TLE5: variants seen among roughly 807,000 people sequenced by gnomAD.
The protein encoded by TLE5 is TLE family member 5, transcriptional modulator.
In TLE5, 7 loss-of-function variants were observed where a neutral mutation model predicts 25.8. The ratio of observed to expected loss-of-function variants is 0.27; its 90% CI spans 0.15 to 0.51. TLE5 has a LOEUF of 0.51. Ranked by LOEUF, TLE5 falls within the 20% of genes least tolerant of loss-of-function variation. The probability of loss-of-function intolerance (pLI) is 0.97; values close to 1 mark genes in which losing one functional copy is unlikely to be tolerated. For missense variants in TLE5, 149 were observed against 250.7 expected (o/e 0.59, Z 2.74); for synonymous variants, 132 against 110.5 (o/e 1.20, Z -1.22).
chr19:3,057,234 GC>G (rs2090226659), intron 3 of TLE5, among the ~76,000 whole-genome samples: 1 of 152,188 alleles, frequency 6.6e-6, no homozygotes, highest in South Asian at 2.1e-4. Flanking sequence ...TCACACATCA[GC>G]CCCCCGAAAT....
At position 3,057,736 on chromosome 19, in the gene TLE5, C is replaced by T. The variant is rs1568264800; in HGVS notation, c.132G>A (p.Lys44=). Residue 44 remains lysine (K), a synonymous_variant, in exon 3 of 7, where the codon AAG becomes AAA. Coordinates refer to ENST00000327141, the MANE Select transcript of TLE5 (RefSeq NM_001130.6). The part of the protein sequence containing the change: ...QLLQAQYHSL[K]LECDKLASEK... ...CACTGGCCAACTTGTCACATTCGAG[C>T]TTGAGGCTGAGGAGGCACAGGGGGG... is the stretch of plus-strand genomic sequence containing the variant. The T allele has an allele frequency of 6.2e-7, 1 of 1,613,636 alleles. No homozygotes were observed. Among genetic ancestry groups the T allele is most frequent in the South Asian group, 1.1e-5 (1 of 91,080 alleles).
At chr19:3,061,305 C>T in intron 1 of TLE5, 48 bp from the exon 2 acceptor site, 1 of 1,481,332 alleles carries the variant, frequency 6.8e-7, no homozygotes, top group Non-Finnish European at 9.4e-7. Flanking sequence ...GGGCTGGACC[C>T]CCCTCAAGGG....
At position 3,054,102 on chromosome 19, in the gene TLE5, C is replaced by CCCCCCCCCCCCCA; in HGVS notation, c.372+17_372+18insTGGGGGGGGGGGG. 6.3e-7 allele frequency: 1 copy of CCCCCCCCCCCCCA among 1,577,544 alleles called. No homozygotes were observed. Among genetic ancestry groups the CCCCCCCCCCCCCA allele is most frequent in the Non-Finnish European group, 8.6e-7 (1 of 1,163,988 alleles). ...GCCCACCTGTCCCCCGCCCACCCGCCCAGGTCCCCATACATACTCGGATGA... is the reference window on the plus strand; with the variant it reads ...GCCCACCTGTCCCCCGCCCACCCGCCCCCCCCCCCCCCACAGGTCCCCATACATACTCGGATGA... On this transcript the variant is annotated intron_variant, in intron 6 of 6. Transcript: ENST00000327141.
chr19:3,054,532 T>C (rs444949), intron 5 of TLE5: 178,200 of 423,416 alleles, frequency 0.42, 41,017 homozygotes, highest in African/African-American at 0.59. Context: ...CCTGCAAAGA[T>C]GTGAAACATG....
upstream of TLE5, chr19:3,062,735 CAAAG>C (rs779581060): frequency 2.1e-5 from 33 of 1,541,540 alleles, no homozygotes; most frequent in South Asian, 1.4e-4. Context: ...CCCCATCTGT[CAAAG>C]AAAAGGGACC....
In TLE5 at chr19:3,061,217, G is replaced by T; in HGVS notation, c.68C>A (p.Ser23Ter). 6.2e-7 allele frequency: 1 copy of T among 1,613,840 alleles called. No individual in the cohort carries two copies. Among genetic ancestry groups the T allele is most frequent in the South Asian group, 1.1e-5 (1 of 91,074 alleles). Residue 23 changes from serine (S) to a stop codon, truncating the protein, a stop_gained, in exon 2 of 7, where the codon TCG becomes TAG. Coordinates refer to ENST00000327141, the MANE Select transcript of TLE5 (RefSeq NM_001130.6). LOFTEE classifies it high-confidence loss of function. Reference protein sequence around the residue: ...HLPQQLKFTTSDSCDRIKDEF... With the variant: ...HLPQQLKFTT ...GTCTTTGATGCGGTCGCAGGAGTCC[G>T]AGGTGGTGAATTTGAGTTGCTGGGG... is the stretch of plus-strand genomic sequence containing the variant.
At chr19:3,062,576 G>A (rs1214688287), upstream of TLE5, 4 of 878,466 alleles carry the variant, frequency 4.6e-6, no homozygotes, top group Non-Finnish European at 5.5e-6. Flanking sequence ...GGGGGGGGAC[G>A]CGCGCGCCCG....
At chr19:3,062,541 G>A (rs1040076494), upstream of TLE5, 13 of 714,334 alleles carry the variant, frequency 1.8e-5, no homozygotes, top group Non-Finnish European at 2.2e-5. Context: ...ACCTGCCGCC[G>A]CCCGTGCCCC....
intron 1 of TLE5, chr19:3,061,485 C>G (rs1278680020): frequency 5.8e-6 from 2 of 346,874 alleles, no homozygotes; most frequent in Middle Eastern, 8.4e-4. Context: ...CCCCCGCCAC[C>G]CCCAGGCAGT....
chr19:3,053,837 A>G lies in TLE5; in HGVS notation c.576T>C (p.Asp192=). The G allele has an allele frequency of 6.2e-7, 1 of 1,612,044 alleles. No homozygotes were observed. Among genetic ancestry groups the G allele is most frequent in the Non-Finnish European group, 8.5e-7 (1 of 1,179,634 alleles). The change falls in exon 7 of 7, where the codon GAT becomes GAC. Residue 192 remains aspartate, a synonymous_variant. Transcript: ENST00000327141. ...GHDGDTHQED[D]GEKSD ...CCCCCTGCTAATCCGACTTCTCGCC[A>G]TCATCCTCCTGGTGGGTGTCACCAT... is the stretch of plus-strand genomic sequence containing the variant.
intron 2 of TLE5, among the ~76,000 whole-genome samples, chr19:3,058,238 GCACGGTAACGCTAGCT>G (rs1416306211): frequency 2.6e-5 from 4 of 152,044 alleles, no homozygotes; most frequent in Non-Finnish European, 5.9e-5. Flanking sequence ...GTTAGAGGGG[GCACGGTAACGCTAGCT>G]CTGAGAGTCT....
At position 3,062,385 on chromosome 19, in the gene TLE5, C is replaced by G; in HGVS notation, c.-185G>C. 1.1e-6 allele frequency: 1 copy of G among 948,524 alleles called. No individual in the cohort carries two copies. The highest frequency in any genetic ancestry group is 1.2e-6 in the Non-Finnish European group (1 of 800,534). The allele number at this position is 948,524 out of a possible 1,614,324, so 58.8% of individuals were successfully genotyped here. On this transcript the variant is annotated 5_prime_UTR_variant, in exon 1 of 7. Transcript: ENST00000327141. The stretch of plus-strand genomic sequence containing the variant: ...TCCCCGCGCGCCCGGCCCCGGCGCG[C>G]CCCGGGCCCCGCTTCCTGCGCGCCC...
intron 1 of TLE5, 93 bp downstream of exon 1, chr19:3,062,079 CCT>C: frequency 5.3e-6 from 2 of 376,248 alleles, no homozygotes; most frequent in Non-Finnish European, 6.2e-6. Context: ...AGGCACCGGG[CCT>C]GGGGGTTGGG....
intron 2 of TLE5, among the ~76,000 whole-genome samples, chr19:3,058,140 C>T (rs2090236118): frequency 6.6e-6 from 1 of 151,860 alleles, no homozygotes; most frequent in African/African-American, 2.4e-5. Context: ...GGGCCCCTGA[C>T]TGTAAGAAGG....
chr19:3,060,328 C>CTTTTTTTTTTTTTT (rs990199468), intron 2 of TLE5, among the ~76,000 whole-genome samples: 21 of 93,200 alleles, frequency 2.3e-4, no homozygotes, highest in African/African-American at 3.5e-4. Context: ...TTTTTTCTTT[C>CTTTTTTTTTTTTTT]TTTTTTTTTT....
chr19:3,060,829 G>GT (rs1568266348), intron 2 of TLE5: 1 of 178,668 alleles, frequency 5.6e-6, no homozygotes, highest in Non-Finnish European at 1.2e-5. Flanking sequence ...TGTTTTGGGG[G>GT]TTGAGGGATG....
upstream of TLE5, chr19:3,062,525 G>A (rs2090281245): frequency 1.5e-6 from 1 of 662,404 alleles, no homozygotes; most frequent in South Asian, 6.6e-5. Context: ...CGGAGGCTTC[G>A]GCTCCACCTG....
At chr19:3,059,270 C>T (rs995717086) in intron 2 of TLE5, among the ~76,000 whole-genome samples, 1 of 152,144 alleles carries the variant, frequency 6.6e-6, no homozygotes, top group Non-Finnish European at 1.5e-5. Flanking sequence ...GCCTGTAATC[C>T]CAGCATTTTG....
In TLE5 at chr19:3,053,255, G is replaced by GC. The variant is rs1164695067; in HGVS notation, c.*563dup. On this transcript the variant is annotated 3_prime_UTR_variant, in exon 7 of 7. Transcript: ENST00000327141. Reference sequence around the variant, plus strand: ...CAGCTCAGCTAAGCTCGTCCCTCGTGCCCCCCCTTTTGTGGGCGATGGGAG... The same window carrying GC: ...CAGCTCAGCTAAGCTCGTCCCTCGTGCCCCCCCCTTTTGTGGGCGATGGGAG... The GC allele has an allele frequency of 7.2e-5, 11 of 153,514 alleles. No individual in the cohort carries two copies. The South Asian group carries it at 1.0e-3, about 14-fold the overall frequency. 9.5% of individuals were successfully genotyped at this position (153,514 alleles called of 1,614,324 possible).
Sources: allele counts gnomAD v4.1 joint callset (sites outside exome capture counted in the v4.1 genomes callset), GRCh38; gene constraint gnomAD v4.1.1; transcripts MANE v1.5; gene names NCBI Gene and HGNC (gene_info 2026-07-23, HGNC 2026-07-21).